The following AGBL1 variants were observed in gnomAD, a reference collection of about 807,000 sequenced individuals.
AGBL1 encodes AGBL carboxypeptidase 1.
In AGBL1, 130 loss-of-function variants were observed where a neutral mutation model predicts 118.9. That is an observed-to-expected ratio of 1.09 (90% confidence interval 0.95 to 1.26). AGBL1 has a LOEUF of 1.26. Ranked by LOEUF, AGBL1 falls within the 50% of genes most tolerant of loss-of-function variation. The pLI is 0.00. For synonymous variants in AGBL1, 555 were observed against 478.9 expected, an observed-to-expected ratio of 1.16 and a Z score of -2.08; for missense variants, 1,584 against 1,298.1, an observed-to-expected ratio of 1.22 and a Z score of -3.38.
At chr15:86,688,964 T>G (rs918761468) in intron 22 of AGBL1, among the ~76,000 whole-genome samples, 10 of 152,182 alleles carry the variant, frequency 6.6e-5, no homozygotes, top group Non-Finnish European at 1.5e-4. Flanking sequence ...AATCATATGG[T>G]ATGTACTCAT....
chr15:86,494,821 G>A (rs1330402940), intron 18 of AGBL1, among the ~76,000 whole-genome samples: 1 of 152,008 alleles, frequency 6.6e-6, no homozygotes, highest in Non-Finnish European at 1.5e-5. Context: ...TATTACTCAT[G>A]TGTTTGTTTT....
At chr15:86,676,982 C>G (rs948131336) in intron 22 of AGBL1, among the ~76,000 whole-genome samples, 1 of 152,214 alleles carries the variant, frequency 6.6e-6, no homozygotes, top group East Asian at 1.9e-4. Flanking sequence ...TGGCACTGCA[C>G]TCCAGCCTGG....
rs566403083 is a variant in AGBL1 at position 86,373,381 on chromosome 15, G to T, written c.2375-23985G>T. Among the ~76,000 whole-genome samples, 11 of 152,252 alleles carry T rather than the reference G, an allele frequency of 7.2e-5. No homozygotes were observed. The East Asian group carries it at 1.9e-3, about 27-fold the overall frequency. The stretch of plus-strand genomic sequence containing the variant: ...CCTTGACATGCTGGGGCATGAGCAG[G>T]GACAGAATAGTAATGGCTTAGCATG... On this transcript the variant is annotated intron_variant, in intron 17 of 22. Transcript: ENST00000614907.
intron 5 of AGBL1, among the ~76,000 whole-genome samples, chr15:86,167,249 CTTT>C (rs112194941): frequency 3.5e-5 from 5 of 142,298 alleles, no homozygotes; most frequent in Non-Finnish European, 3.1e-5. Context: ...TTTTACTTTT[CTTT>C]TTTTTTTTTT....
At chr15:86,193,706 A>G (rs1056972414) in intron 5 of AGBL1, among the ~76,000 whole-genome samples, 3 of 152,214 alleles carry the variant, frequency 2.0e-5, no homozygotes, top group African/African-American at 4.8e-5. Context: ...ACCAGTGTGT[A>G]GAGAATGGTG....
intron 21 of AGBL1, among the ~76,000 whole-genome samples, chr15:86,668,814 A>G (rs1016836913): frequency 2.0e-5 from 3 of 152,334 alleles, no homozygotes; most frequent in Non-Finnish European, 4.4e-5. Flanking sequence ...TAAGACCGCA[A>G]TCTGCAAAGG....
intron 2 of AGBL1, 89 bp from the exon 3 acceptor site, chr15:86,143,610 C>T: frequency 6.8e-7 from 1 of 1,469,106 alleles, no homozygotes. Flanking sequence ...CTAATTCTTG[C>T]TCTGTCTCTA....
intron 24 of AGBL1, among the ~76,000 whole-genome samples, chr15:87,021,513 A>C (rs920795835): frequency 6.7e-6 from 1 of 148,530 alleles, no homozygotes; most frequent in African/African-American, 2.5e-5. Flanking sequence ...ATTAAACTAA[A>C]GAGCTTCTGC....
At chr15:86,223,655 T>C (rs2078313585) in intron 5 of AGBL1, among the ~76,000 whole-genome samples, 1 of 152,180 alleles carries the variant, frequency 6.6e-6, no homozygotes, top group African/African-American at 2.4e-5. Flanking sequence ...TTAACTGCCC[T>C]ATGGTCATTT....
intron 5 of AGBL1, among the ~76,000 whole-genome samples, chr15:86,165,698 A>T (rs1263476428): frequency 6.6e-6 from 1 of 152,100 alleles, no homozygotes; most frequent in East Asian, 1.9e-4. Flanking sequence ...TCTCCAGGGC[A>T]TGGCCTCACA....
intron 23 of AGBL1, among the ~76,000 whole-genome samples, chr15:86,953,297 C>A (rs1361192192): frequency 6.6e-6 from 1 of 151,970 alleles, no homozygotes; most frequent in Non-Finnish European, 1.5e-5. Context: ...TATCCACAAG[C>A]AAGGTATATT....
At chr15:86,180,180 G>T (rs1314747752) in intron 5 of AGBL1, among the ~76,000 whole-genome samples, 1 of 151,978 alleles carries the variant, frequency 6.6e-6, no homozygotes, top group Non-Finnish European at 1.5e-5. Flanking sequence ...TCTGTATGTT[G>T]TGGAAACTGA....
At chr15:86,649,650 T>C (rs1240855981) in intron 21 of AGBL1, among the ~76,000 whole-genome samples, 1 of 152,072 alleles carries the variant, frequency 6.6e-6, no homozygotes, top group Non-Finnish European at 1.5e-5. Context: ...ACTTTCATAA[T>C]TGATACCTTG....
At chr15:86,425,358 G>A (rs957292367) in intron 18 of AGBL1, among the ~76,000 whole-genome samples, 1 of 151,882 alleles carries the variant, frequency 6.6e-6, no homozygotes, top group East Asian at 1.9e-4. Context: ...ATGGACACAG[G>A]CAGGGGAGTA....
At chr15:86,097,130 T>C (rs746318606) in intron 1 of AGBL1, among the ~76,000 whole-genome samples, 4 of 152,182 alleles carry the variant, frequency 2.6e-5, no homozygotes, top group Non-Finnish European at 4.4e-5. Context: ...TTCAGCTGTA[T>C]TCTAAATGTT....
At chr15:86,600,515 A>G (rs1184238261) in intron 21 of AGBL1, among the ~76,000 whole-genome samples, 1 of 152,130 alleles carries the variant, frequency 6.6e-6, no homozygotes, top group Non-Finnish European at 1.5e-5. Flanking sequence ...ACCTCTGTGT[A>G]TACCTCCTAG....
intron 21 of AGBL1, among the ~76,000 whole-genome samples, chr15:86,583,486 C>T (rs2084202681): frequency 6.6e-6 from 1 of 152,154 alleles, no homozygotes; most frequent in South Asian, 2.1e-4. Context: ...CCTCCAGTTG[C>T]ATCCATGTTG....
At chr15:86,298,870 T>C (rs1261498407) in intron 17 of AGBL1, among the ~76,000 whole-genome samples, 3 of 152,218 alleles carry the variant, frequency 2.0e-5, no homozygotes, top group Non-Finnish European at 4.4e-5. Context: ...CTGGTTCCCC[T>C]GATGATCTGG....
intron 21 of AGBL1, among the ~76,000 whole-genome samples, chr15:86,640,014 G>A (rs553032036): frequency 8.9e-4 from 135 of 152,210 alleles, no homozygotes; most frequent in African/African-American, 2.9e-3. Context: ...CCAGTGGACT[G>A]GTGTGATTGA....
Sources: gnomAD v4.1 joint callset for allele counts (sites outside exome capture counted in the v4.1 genomes callset) on GRCh38, gnomAD v4.1.1 for gene constraint, MANE v1.5 for transcripts, NCBI Gene and HGNC (gene_info 2026-07-23, HGNC 2026-07-21) for gene names.